The following SNW1 variants were observed in gnomAD, a reference collection of about 807,000 sequenced individuals.
SNW1 encodes the protein SNW domain containing 1.
Under a neutral mutation model 75.6 loss-of-function variants are expected in SNW1, and 9 were observed. That is an observed-to-expected ratio of 0.12 (90% CI 0.07 to 0.21). The LOEUF (loss-of-function observed/expected upper bound fraction) is 0.21, where lower values mean the gene tolerates loss of function less well. SNW1 is among the 10% of genes least tolerant of loss of function. SNW1 has a pLI of 1.00. For missense variants in SNW1, 409 were observed against 670.9 expected (o/e 0.61, Z 4.31); for synonymous variants, 200 against 219.1 (o/e 0.91, Z 0.77).
intron 3 of SNW1, among the ~76,000 whole-genome samples, chr14:77,748,931 A>G (rs1409746750): frequency 6.6e-6 from 1 of 152,184 alleles, no homozygotes; most frequent in Admixed American, 6.5e-5. Context: ...ATAGTAAGAA[A>G]AAATGACTCC....
chr14:77,723,219 C>G lies in SNW1; in HGVS notation c.1092G>C (p.Gln364His), dbSNP rs1261886756. 4 of 1,614,008 alleles carry G rather than the reference C, an allele frequency of 2.5e-6. No homozygotes were observed. The highest frequency in any genetic ancestry group is 3.4e-6 in the Non-Finnish European group (4 of 1,180,008). The change falls in exon 11 of 14, where the codon CAG becomes CAC. Residue 364 changes from glutamine (Q) to histidine (H), a missense_variant. Physicochemically the swap from Gln to His is conservative, Grantham distance 24. This residue lies in a region of SNW1 where 126 missense variants were observed against 167.6 expected (regional missense o/e 0.75). Coordinates refer to ENST00000261531, the MANE Select transcript of SNW1 (RefSeq NM_012245.3). ...CTGCCCTGGAAAGATTCCGGTCATGCTGTCTCTCTTTTCGCCTGTCATGCC... is the reference window on the plus strand; with the variant it reads ...CTGCCCTGGAAAGATTCCGGTCATGGTGTCTCTCTTTTCGCCTGTCATGCC... ...EIRHDRRKER[Q>H]HDRNLSRAAP...
chr14:77,761,045 G>A, intron 1 of SNW1, 69 bp downstream of exon 1: 1 of 1,614,232 alleles, frequency 6.2e-7, no homozygotes, highest in Non-Finnish European at 8.5e-7. Context: ...CGGAGGGTAT[G>A]GGAAGAGAAA....
At chr14:77,737,853 A>G (rs1809656874) in intron 5 of SNW1, among the ~76,000 whole-genome samples, 1 of 151,568 alleles carries the variant, frequency 6.6e-6, no homozygotes, top group East Asian at 1.9e-4. Flanking sequence ...TTAGCTGAGC[A>G]TGGTGGTGCA....
At chr14:77,723,798 G>C (rs1412986838) in intron 10 of SNW1, among the ~76,000 whole-genome samples, 1 of 152,118 alleles carries the variant, frequency 6.6e-6, no homozygotes, top group African/African-American at 2.4e-5. Context: ...GGGATTACAG[G>C]TGTGCACCAC....
At chr14:77,754,914 T>C (rs2080832674) in intron 2 of SNW1, 53 bp downstream of exon 2, 7 of 1,432,274 alleles carry the variant, frequency 4.9e-6, no homozygotes, top group Middle Eastern at 2.4e-4. Context: ...TATAGTGTGC[T>C]ATAATAAATT....
intron 6 of SNW1, 24 bp downstream of exon 6, chr14:77,736,947 A>C: frequency 6.7e-7 from 1 of 1,483,302 alleles, no homozygotes; most frequent in Non-Finnish European, 9.4e-7. Context: ...TGTGTGTATT[A>C]GTAGCCTATT....
chr14:77,743,480 T>C (rs1275983460), intron 3 of SNW1, among the ~76,000 whole-genome samples: 1 of 152,170 alleles, frequency 6.6e-6, no homozygotes, highest in African/African-American at 2.4e-5. Flanking sequence ...TCACTATTAA[T>C]ATTTCAGTGA....
intron 7 of SNW1, 86 bp from the exon 8 acceptor site, chr14:77,735,098 T>C: frequency 2.1e-6 from 2 of 938,018 alleles, no homozygotes; most frequent in Non-Finnish European, 3.4e-6. Context: ...CAAAGACAGC[T>C]CCATATACAC....
At chr14:77,760,812 A>C (rs1012042153) in intron 1 of SNW1, 1 of 715,938 alleles carries the variant, frequency 1.4e-6, no homozygotes, top group Non-Finnish European at 2.5e-6. Context: ...CGCGGACCTG[A>C]GGGAGCGCTG....
In SNW1 at chr14:77,747,150, C is replaced by T. The variant is rs566252951; in HGVS notation, c.330+4169G>A. 6.6e-5 allele frequency among the ~76,000 whole-genome samples: 10 copies of T among 152,300 alleles called. No individual in the cohort carries two copies. The East Asian group carries it at 7.7e-4, about 12-fold the overall frequency. On this transcript the variant is annotated intron_variant, in intron 3 of 13. Transcript: ENST00000261531. ...GCCGGGCTGGTCTCCAGCTCCTAAC[C>T]GTGAGTGATCTGCCAGCCTCGGCCT...
At chr14:77,741,590 T>C (rs1257364110) in intron 3 of SNW1, among the ~76,000 whole-genome samples, 2 of 152,174 alleles carry the variant, frequency 1.3e-5, no homozygotes, top group South Asian at 4.1e-4. Context: ...AGAGTGTTGA[T>C]TTTGGAAGGG....
intron 3 of SNW1, among the ~76,000 whole-genome samples, chr14:77,749,951 A>G (rs2080794731): frequency 6.6e-6 from 1 of 152,180 alleles, no homozygotes; most frequent in Non-Finnish European, 1.5e-5. Flanking sequence ...CTGTGATCCC[A>G]GCACTTTGGG....
At chr14:77,742,432 T>C (rs1379700325) in intron 3 of SNW1, among the ~76,000 whole-genome samples, 1 of 152,130 alleles carries the variant, frequency 6.6e-6, no homozygotes, top group Non-Finnish European at 1.5e-5. Flanking sequence ...AAAAATACAA[T>C]ATACTCTTGA....
chr14:77,723,617 T>TG (rs1461373608), intron 10 of SNW1, among the ~76,000 whole-genome samples: 9 of 152,312 alleles, frequency 5.9e-5, no homozygotes, highest in Non-Finnish European at 1.0e-4. Flanking sequence ...CCCAAAGTGC[T>TG]GGAGTCACAG....
At chr14:77,733,815 A>G (rs1330426981) in intron 8 of SNW1, 1 of 188,578 alleles carries the variant, frequency 5.3e-6, no homozygotes, top group Non-Finnish European at 1.2e-5. Flanking sequence ...CTGAATTTCT[A>G]CATTCTAAAA....
At chr14:77,738,101 C>T (rs555490350) in intron 5 of SNW1, among the ~76,000 whole-genome samples, 3 of 149,856 alleles carry the variant, frequency 2.0e-5, no homozygotes, top group South Asian at 4.3e-4. Context: ...TTCAGGAGTT[C>T]GAGACCAGCC....
At chr14:77,721,292 A>G (rs887148700) in intron 11 of SNW1, among the ~76,000 whole-genome samples, 1 of 152,218 alleles carries the variant, frequency 6.6e-6, no homozygotes, top group Non-Finnish European at 1.5e-5. Context: ...AAACATGTCA[A>G]TGACTGAATT....
rs143287615 is a variant in SNW1 at position 77,754,861 on chromosome 14, C to T, written c.168+106G>A. ...GAGCACATAACCAGAATTTCTATCACACTGACATTCATAATCAGAGGTTCT... is the reference window on the plus strand; with the variant it reads ...GAGCACATAACCAGAATTTCTATCATACTGACATTCATAATCAGAGGTTCT... On this transcript the variant is annotated intron_variant, in intron 2 of 13. Transcript: ENST00000261531. 3 of 1,003,834 alleles carry T rather than the reference C, an allele frequency of 3.0e-6. No homozygotes were observed. The East Asian group carries it at 8.0e-5, about 27-fold the overall frequency. The allele number at this position is 1,003,834 out of a possible 1,614,324, so 62.2% of individuals were successfully genotyped here. A position where few individuals can be genotyped will look rare whatever the true frequency, so the allele number is the denominator to read the frequency against.
chr14:77,759,938 C>T (rs903379324), intron 1 of SNW1, among the ~76,000 whole-genome samples: 62 of 151,412 alleles, frequency 4.1e-4, no homozygotes, highest in Non-Finnish European at 7.4e-4. Context: ...GCCAACACAG[C>T]GAGACCGCAT....
Sources: gnomAD v4.1 joint callset for allele counts (sites outside exome capture counted in the v4.1 genomes callset) on GRCh38, gnomAD v4.1.1 for gene constraint, gnomAD v4.1.1 regional missense constraint, MANE v1.5 for transcripts, NCBI Gene and HGNC (gene_info 2026-07-23, HGNC 2026-07-21) for gene names.